The following MAST4 variants were observed in gnomAD, a reference collection of about 807,000 sequenced individuals.
The protein encoded by MAST4 is microtubule associated serine/threonine kinase family member 4.
In MAST4, 89 loss-of-function variants were observed where a neutral mutation model predicts 162.7. That is an observed-to-expected ratio of 0.55 (90% CI 0.46 to 0.65). MAST4 has a LOEUF of 0.65. Ranked by LOEUF, MAST4 falls within the 30% of genes least tolerant of loss-of-function variation. The pLI is 0.00. For synonymous variants in MAST4, 1,479 were observed against 1,361.1 expected (o/e 1.09, Z -1.91); for missense variants, 3,153 against 3,374.0 (o/e 0.93, Z 1.62).
At chr5:66,848,810 T>C (rs1462376664) in intron 3 of MAST4, among the ~76,000 whole-genome samples, 1 of 152,216 alleles carries the variant, frequency 6.6e-6, no homozygotes, top group African/African-American at 2.4e-5. Flanking sequence ...TCCAATTCCA[T>C]AGACCCTCTT....
rs749434674 is a variant in MAST4, at chr5:67,165,977, G to A, written c.6798G>A (p.Gln2266=). The change falls in exon 29 of 29, where the codon CAG becomes CAA. Residue 2266 remains glutamine, a synonymous_variant. Transcript: ENST00000403625. Reference sequence around the variant, plus strand: ...ACAAAGCCAGCGATGGGATTGGCCAGGGAGAAGGTGGGCCCTCTGTCCCAC... The same window carrying A: ...ACAAAGCCAGCGATGGGATTGGCCAAGGAGAAGGTGGGCCCTCTGTCCCAC... The part of the protein sequence containing the change: ...SQNKASDGIG[Q]GEGGPSVPLH... 1.2e-6 allele frequency: 2 copies of A among 1,613,558 alleles called. No homozygotes were observed. The highest frequency in any genetic ancestry group is 2.2e-5 in the East Asian group (1 of 44,868).
chr5:66,693,367 G>A (rs1347910215), intron 1 of MAST4, among the ~76,000 whole-genome samples: 1 of 152,136 alleles, frequency 6.6e-6, no homozygotes, highest in African/African-American at 2.4e-5. Flanking sequence ...AACAAAAGCT[G>A]CAAAGTAAAG....
chr5:66,783,432 A>G (rs1283905312), intron 2 of MAST4: 3 of 152,254 alleles, frequency 2.0e-5, no homozygotes, highest in Non-Finnish European at 4.4e-5. Context: ...TTGGGAATTT[A>G]GAATAGGAAC....
intron 3 of MAST4, among the ~76,000 whole-genome samples, chr5:66,891,126 G>A (rs190186669): frequency 3.5e-4 from 53 of 152,234 alleles, no homozygotes; most frequent in Non-Finnish European, 5.9e-4. Context: ...AACTTAAATC[G>A]TTTGCCATCT....
chr5:67,148,992 A>G (rs544802217), intron 23 of MAST4, among the ~76,000 whole-genome samples: 24 of 152,282 alleles, frequency 1.6e-4, no homozygotes, highest in Middle Eastern at 3.4e-3. Flanking sequence ...GTGGGCGGCC[A>G]TGGTGTTTGG....
chr5:66,950,802 A>G (rs2150129143), intron 4 of MAST4, among the ~76,000 whole-genome samples: 1 of 152,316 alleles, frequency 6.6e-6, no homozygotes, highest in South Asian at 2.1e-4. Context: ...TATACCCAGA[A>G]GTGGAATTGC....
At chr5:66,978,287 G>C (rs574519145) in intron 4 of MAST4, among the ~76,000 whole-genome samples, 4 of 152,194 alleles carry the variant, frequency 2.6e-5, no homozygotes, top group African/African-American at 4.8e-5. Context: ...GTAGTAATGA[G>C]AGTAGGGTTT....
At chr5:67,091,582 C>T (rs1358735447) in intron 6 of MAST4, among the ~76,000 whole-genome samples, 1 of 152,014 alleles carries the variant, frequency 6.6e-6, no homozygotes, top group African/African-American at 2.4e-5. Flanking sequence ...AATTGATAAA[C>T]AAGTGTTTAC....
chr5:67,117,859 C>T (rs1767106562), intron 12 of MAST4, among the ~76,000 whole-genome samples: 1 of 152,122 alleles, frequency 6.6e-6, no homozygotes, highest in African/African-American at 2.4e-5. Flanking sequence ...TCAATTTAGA[C>T]ACCTTTGTCT....
At chr5:67,025,172 G>A (rs919053696) in intron 4 of MAST4, among the ~76,000 whole-genome samples, 4 of 151,932 alleles carry the variant, frequency 2.6e-5, no homozygotes, top group Admixed American at 6.6e-5. Flanking sequence ...CATAAGATAC[G>A]TAATATTATA....
chr5:66,815,191 A>G (rs920166064), intron 3 of MAST4, among the ~76,000 whole-genome samples: 2 of 152,214 alleles, frequency 1.3e-5, no homozygotes, highest in Admixed American at 1.3e-4. Context: ...TATGATTTTT[A>G]TACCAAAATG....
At chr5:66,871,012 C>G (rs988122116) in intron 3 of MAST4, among the ~76,000 whole-genome samples, 7 of 152,164 alleles carry the variant, frequency 4.6e-5, no homozygotes, top group Non-Finnish European at 1.0e-4. Flanking sequence ...CAAGACCATA[C>G]ACGTCAGTGG....
intron 4 of MAST4, among the ~76,000 whole-genome samples, chr5:67,047,260 C>T (rs1017262326): frequency 6.6e-6 from 1 of 152,208 alleles, no homozygotes; most frequent in African/African-American, 2.4e-5. Context: ...TCCCTTGTCA[C>T]TCAGGGACCA....
chr5:67,096,525 A>G (rs1305635682), intron 7 of MAST4, among the ~76,000 whole-genome samples: 2 of 152,100 alleles, frequency 1.3e-5, no homozygotes, highest in African/African-American at 2.4e-5. Flanking sequence ...ATATCCATCT[A>G]TTGTATTTTT....
At chr5:67,123,036 G>T (rs1297054778) in intron 14 of MAST4, among the ~76,000 whole-genome samples, 4 of 151,934 alleles carry the variant, frequency 2.6e-5, no homozygotes, top group Non-Finnish European at 5.9e-5. Context: ...TTTGAAATTT[G>T]AATAGAACCA....
intron 23 of MAST4, among the ~76,000 whole-genome samples, chr5:67,146,046 C>T (rs1241160161): frequency 1.3e-5 from 2 of 152,204 alleles, no homozygotes; most frequent in African/African-American, 2.4e-5. Context: ...TGATAGTTTA[C>T]GTGCATATGA....
Position 66,788,793 on chromosome 5 carries a change from T to G in MAST4, c.641T>G (p.Leu214Arg), listed in dbSNP as rs1479753733. 6.3e-7 allele frequency: 1 copy of G among 1,575,574 alleles called. No individual in the cohort carries two copies. The highest frequency in any genetic ancestry group is 8.6e-7 in the Non-Finnish European group (1 of 1,162,098). ...GQSAPSLTAS[L>R]KELSLPRRGS... is the part of the protein sequence containing the mutation. Reference sequence around the variant, plus strand: ...TCGGCGCCCTCGCTCACCGCCAGCCTGGTGAGTGTCCGCGGGCGCCGGTGG... The same window carrying G: ...TCGGCGCCCTCGCTCACCGCCAGCCGGGTGAGTGTCCGCGGGCGCCGGTGG... Residue 214 changes from leucine to arginine, a missense_variant and splice_region_variant, in exon 3 of 29, where the codon CTG (leucine) becomes CGG (arginine). Leu to Arg is a moderately radical substitution (Grantham distance 102, BLOSUM62 -2). Coordinates refer to ENST00000403625, the MANE Select transcript of MAST4 (RefSeq NM_001164664.2).
intron 3 of MAST4, among the ~76,000 whole-genome samples, chr5:66,802,814 C>G (rs1051620384): frequency 1.3e-5 from 2 of 152,180 alleles, no homozygotes; most frequent in Non-Finnish European, 2.9e-5. Context: ...GTGATATTCT[C>G]AGAATGGAAG....
intron 1 of MAST4, among the ~76,000 whole-genome samples, chr5:66,723,179 A>C (rs1306939648): frequency 6.6e-6 from 1 of 152,152 alleles, no homozygotes; most frequent in Non-Finnish European, 1.5e-5. Context: ...CCAGGAACTT[A>C]GGTACCATTT....
Sources: allele counts gnomAD v4.1 joint callset (sites outside exome capture counted in the v4.1 genomes callset), GRCh38; gene constraint gnomAD v4.1.1; transcripts MANE v1.5; gene names NCBI Gene and HGNC (gene_info 2026-07-23, HGNC 2026-07-21).